The following ACVR1 variants were observed in gnomAD, a reference collection of about 807,000 sequenced individuals.
The protein encoded by ACVR1 is activin A receptor type 1, also known as activin receptor type-1.
A neutral mutation model predicts 57.1 loss-of-function variants in ACVR1; 38 were observed. The observed-to-expected ratio is 0.67, with a 90% confidence interval of 0.51 to 0.87. The LOEUF (loss-of-function observed/expected upper bound fraction) is 0.87, where lower values mean the gene tolerates loss of function less well. Ranked by LOEUF, ACVR1 falls within the 40% of genes least tolerant of loss-of-function variation. ACVR1 has a pLI of 0.00. For synonymous variants in ACVR1, 212 were observed against 228.1 expected, an observed-to-expected ratio of 0.93 and a Z score of 0.63; for missense variants, 463 against 638.2, an observed-to-expected ratio of 0.73 and a Z score of 2.96.
chr2:157,766,956 G>C (rs1685884384), intron 7 of ACVR1, among the ~76,000 whole-genome samples: 3 of 152,214 alleles, frequency 2.0e-5, no homozygotes, highest in Admixed American at 6.5e-5. Context: ...ATTAGGAAGT[G>C]GCAACTCAAC....
chr2:157,740,046 T>A (rs1684693186), intron 9 of ACVR1, among the ~76,000 whole-genome samples: 1 of 152,032 alleles, frequency 6.6e-6, no homozygotes, highest in Non-Finnish European at 1.5e-5. Context: ...TAGCCGGGTG[T>A]GTTGGCGCGT....
chr2:157,813,312 T>C (rs1375842556), intron 2 of ACVR1, among the ~76,000 whole-genome samples: 1 of 152,198 alleles, frequency 6.6e-6, no homozygotes, highest in Admixed American at 6.5e-5. Context: ...TGGGAATTTA[T>C]ACTATAAAAG....
intron 9 of ACVR1, among the ~76,000 whole-genome samples, chr2:157,745,873 T>C (rs1354389583): frequency 6.6e-6 from 1 of 152,222 alleles, no homozygotes; most frequent in African/African-American, 2.4e-5. Context: ...AGCAGCTCCC[T>C]GGCTGACTCA....
intron 9 of ACVR1, among the ~76,000 whole-genome samples, chr2:157,758,386 A>T (rs1685513404): frequency 6.6e-6 from 1 of 152,014 alleles, no homozygotes; most frequent in South Asian, 2.1e-4. Flanking sequence ...TCAGTTTTGC[A>T]TCCCACAAAT....
At position 157,863,336 on chromosome 2, in the gene ACVR1, CTTTTTTTTT is replaced by C. The variant is rs1161335923; in HGVS notation, c.-183+12451_-183+12459del. On this transcript the variant is annotated intron_variant, in intron 1 of 10. Coordinates refer to ENST00000434821, the MANE Select transcript of ACVR1 (RefSeq NM_001111067.4). ...CCTATAGAACAGTTAAATTGTTTCT[CTTTTTTTTT>C]TTTTTTTTTTTTTTTTTTTTTTGCT... Among the ~76,000 whole-genome samples, 196 of 35,670 alleles carry C rather than the reference CTTTTTTTTT, an allele frequency of 5.5e-3. 1 individual carries two copies. The highest frequency in any genetic ancestry group is 0.011 in the Admixed American group (19 of 1,668). 23.4% of individuals were successfully genotyped at this position (35,670 alleles called of 152,430 possible). A position where few individuals can be genotyped will look rare whatever the true frequency, so the allele number is the denominator to read the frequency against.
rs1437655968 is a variant in ACVR1, at chr2:157,774,083, A to C, written c.643+5T>G. The C allele has an allele frequency of 7.4e-6, 12 of 1,613,308 alleles. No homozygotes were observed. In the East Asian group the frequency reaches 2.7e-4, roughly 36 times the overall value. ...ACCCACAAAGAAAGGAAAAAAAAGA[A>C]TTACCGACACACTCCAACAGTGTAA... On this transcript the variant is annotated splice_donor_5th_base_variant and intron_variant, in intron 6 of 10. Transcript: ENST00000434821.
chr2:157,763,525 C>T (rs1196282814), intron 8 of ACVR1, among the ~76,000 whole-genome samples: 1 of 152,100 alleles, frequency 6.6e-6, no homozygotes, highest in African/African-American at 2.4e-5. Flanking sequence ...TCAAGATCAG[C>T]CTGAGCAACA....
intron 1 of ACVR1, among the ~76,000 whole-genome samples, chr2:157,849,030 A>C (rs1689215232): frequency 6.6e-6 from 1 of 152,228 alleles, no homozygotes; most frequent in South Asian, 2.1e-4. Context: ...CTGTCTTCAA[A>C]GTATATCCTG....
rs576370557 is a variant in ACVR1, at chr2:157,832,290, A to G, written c.-182-13731T>C. On this transcript the variant is annotated intron_variant, in intron 1 of 10. Coordinates refer to ENST00000434821, the MANE Select transcript of ACVR1 (RefSeq NM_001111067.4). ...TCAGACTAACATTAGTAAATGGCAGATAATTAAAATGAAATTAAATAATTA... is the reference window on the plus strand; with the variant it reads ...TCAGACTAACATTAGTAAATGGCAGGTAATTAAAATGAAATTAAATAATTA... Among the ~76,000 whole-genome samples, 7 of 152,358 alleles carry G rather than the reference A, an allele frequency of 4.6e-5. No individual in the cohort carries two copies. The South Asian group carries it at 1.4e-3, about 32-fold the overall frequency.
At chr2:157,824,787 T>C (rs1181246824) in intron 1 of ACVR1, among the ~76,000 whole-genome samples, 1 of 151,400 alleles carries the variant, frequency 6.6e-6, no homozygotes, top group African/African-American at 2.4e-5. Context: ...AGAGTCTCAC[T>C]CTCTCAACCA....
chr2:157,858,483 A>G (rs1277156583), intron 1 of ACVR1, among the ~76,000 whole-genome samples: 6 of 151,794 alleles, frequency 4.0e-5, no homozygotes, highest in African/African-American at 9.7e-5. Context: ...TTTTATTTTT[A>G]TTTTTTGAGA....
intron 3 of ACVR1, among the ~76,000 whole-genome samples, chr2:157,795,224 G>A (rs1559061264): frequency 6.6e-6 from 1 of 151,984 alleles, no homozygotes. Flanking sequence ...TCTGTTATCG[G>A]CCCCATTATT....
chr2:157,780,842 G>A (rs1686491974), intron 3 of ACVR1, among the ~76,000 whole-genome samples: 1 of 152,202 alleles, frequency 6.6e-6, no homozygotes, highest in South Asian at 2.1e-4. Context: ...GATCATATTA[G>A]GACAAAGACT....
intron 1 of ACVR1, among the ~76,000 whole-genome samples, chr2:157,851,841 A>G (rs911345632): frequency 1.3e-4 from 20 of 150,382 alleles, no homozygotes; most frequent in African/African-American, 4.9e-4. Context: ...AGGACTCCTG[A>G]GAGGGAGACA....
At chr2:157,846,350 T>C (rs1391536614) in intron 1 of ACVR1, among the ~76,000 whole-genome samples, 2 of 152,224 alleles carry the variant, frequency 1.3e-5, no homozygotes, top group African/African-American at 4.8e-5. Context: ...ACAGCAGCAG[T>C]GGCAAACTGA....
intron 1 of ACVR1, among the ~76,000 whole-genome samples, chr2:157,872,360 G>C (rs1231824880): frequency 6.6e-6 from 1 of 152,140 alleles, no homozygotes; most frequent in Non-Finnish European, 1.5e-5. Flanking sequence ...CCTTACTACT[G>C]GGTAAAAAGG....
intron 1 of ACVR1, among the ~76,000 whole-genome samples, chr2:157,842,600 C>T (rs558309363): frequency 6.6e-6 from 1 of 152,310 alleles, no homozygotes; most frequent in Admixed American, 6.5e-5. Flanking sequence ...AGTATGAACA[C>T]ACGACCCTGC....
intron 7 of ACVR1, among the ~76,000 whole-genome samples, chr2:157,768,928 T>C (rs1685976284): frequency 6.6e-6 from 1 of 152,236 alleles, no homozygotes; most frequent in Admixed American, 6.5e-5. Context: ...TTGTTACTAC[T>C]GTTGCTATTC....
intron 9 of ACVR1, among the ~76,000 whole-genome samples, chr2:157,760,550 A>G (rs1685606426): frequency 6.6e-6 from 1 of 152,222 alleles, no homozygotes; most frequent in Non-Finnish European, 1.5e-5. Flanking sequence ...ATTTATCAAA[A>G]TATCACATGT....
Sources: gnomAD v4.1 joint callset for allele counts (sites outside exome capture counted in the v4.1 genomes callset) on GRCh38, gnomAD v4.1.1 for gene constraint, MANE v1.5 for transcripts, NCBI Gene and HGNC (gene_info 2026-07-23, HGNC 2026-07-21) for gene names.